The following ADAP1 variants were observed in gnomAD, a reference collection of about 807,000 sequenced individuals.
The protein encoded by ADAP1 is ArfGAP with dual PH domains 1.
Under a neutral mutation model 54.9 loss-of-function variants are expected in ADAP1, and 31 were observed. The observed-to-expected ratio is 0.56, with a 90% confidence interval of 0.42 to 0.76. The LOEUF (loss-of-function observed/expected upper bound fraction) is 0.76, where lower values mean the gene tolerates loss of function less well. ADAP1 is among the 30% of genes least tolerant of loss of function. The pLI, the probability that ADAP1 is intolerant of heterozygous loss-of-function variation, is 0.00. For missense variants in ADAP1, 535 were observed against 512.4 expected (o/e 1.04, Z -0.42); for synonymous variants, 313 against 202.6 (o/e 1.55, Z -4.63).
At chr7:951,412 C>T (rs1038493799) in intron 1 of ADAP1, among the ~76,000 whole-genome samples, 1 of 151,654 alleles carries the variant, frequency 6.6e-6, no homozygotes, top group Non-Finnish European at 1.5e-5. Context: ...GGGCCGCTGC[C>T]CTGGGGAGTG....
chr7:926,981 C>A lies in ADAP1; in HGVS notation c.214-337G>T. Reference sequence around the variant, plus strand: ...ACACCGGGTGTCCCGTGGGAGAGAGCTGGCTGCATCCTGTGACCCCCATCT... The same window carrying A: ...ACACCGGGTGTCCCGTGGGAGAGAGATGGCTGCATCCTGTGACCCCCATCT... On this transcript the variant is annotated intron_variant, in intron 2 of 10. Transcript: ENST00000265846. This position sits in a 1 kb window ranked among gnomAD's most constrained non-coding sequence, Gnocchi z 4.6. 1 of 1,263,252 alleles carries A rather than the reference C, an allele frequency of 7.9e-7. No individual in the cohort carries two copies. The highest frequency in any genetic ancestry group is 1.0e-6 in the Non-Finnish European group (1 of 979,060). The allele number at this position is 1,263,252 out of a possible 1,614,324, so 78.3% of individuals were successfully genotyped here. A position where few individuals can be genotyped will look rare whatever the true frequency, so the allele number is the denominator to read the frequency against.
chr7:922,539 T>C (rs992154112), intron 3 of ADAP1, among the ~76,000 whole-genome samples: 2 of 152,148 alleles, frequency 1.3e-5, no homozygotes, highest in African/African-American at 2.4e-5. Flanking sequence ...CAGTGGCCAC[T>C]GTGACCCCCA....
chr7:907,162 G>A (rs1291621050), intron 4 of ADAP1, among the ~76,000 whole-genome samples: 2 of 152,244 alleles, frequency 1.3e-5, no homozygotes, highest in East Asian at 3.9e-4. Flanking sequence ...CTCCGCCTGT[G>A]GCCTCACGCA....
rs953974546 is a variant in ADAP1, at chr7:920,596, C to T, written c.306-546G>A. Among the ~76,000 whole-genome samples, 1 of 152,112 alleles carries T rather than the reference C, an allele frequency of 6.6e-6. No individual in the cohort carries two copies. Among genetic ancestry groups the T allele is most frequent in the African/African-American group, 2.4e-5 (1 of 41,428 alleles). On this transcript the variant is annotated intron_variant, in intron 3 of 10. Transcript: ENST00000265846. This position sits in a 1 kb window ranked among gnomAD's most constrained non-coding sequence, Gnocchi z 4.5. ...AGGACGGAGCTATCAGGGCACCCGT[C>T]GAGGTCAGGAGGCGTCCGGGGCATC...
chr7:904,273 C>G lies in ADAP1; in HGVS notation c.502-1G>C. On this transcript the variant is annotated splice_acceptor_variant, in intron 5 of 10. Transcript: ENST00000265846. LOFTEE classifies it high-confidence loss of function. ...TCATCACGGCCTTGGGCTCCTTGGC[C>G]TGAGAAGGGGTGGGGTCTAAGCACC... The G allele has an allele frequency of 6.3e-7, 1 of 1,587,018 alleles. No individual in the cohort carries two copies. The highest frequency in any genetic ancestry group is 8.6e-7 in the Non-Finnish European group (1 of 1,165,644).
At chr7:948,971 A>G (rs1287156497) in intron 1 of ADAP1, among the ~76,000 whole-genome samples, 2 of 152,164 alleles carry the variant, frequency 1.3e-5, no homozygotes, top group Non-Finnish European at 2.9e-5. Flanking sequence ...CTGGGATTAC[A>G]GGCGTGAGCC....
chr7:930,956 G>A (rs1171752238), intron 2 of ADAP1, among the ~76,000 whole-genome samples: 1 of 150,116 alleles, frequency 6.7e-6, no homozygotes, highest in Non-Finnish European at 1.5e-5. Context: ...TTCCAGCCTG[G>A]GCGACAGAGT....
chr7:915,596 G>T (rs892269744), intron 4 of ADAP1, among the ~76,000 whole-genome samples: 1 of 152,178 alleles, frequency 6.6e-6, no homozygotes, highest in Admixed American at 6.5e-5. Flanking sequence ...ACCCCTGCCC[G>T]AGGGTCACAC....
chr7:920,788 G>A lies in ADAP1; in HGVS notation c.306-738C>T, dbSNP rs1478153871. ...TCCCCATCCACCGTGACTCACTCGA[G>A]TGAAGCCAATACCATTGCAGAAACC... On this transcript the variant is annotated intron_variant, in intron 3 of 10. Transcript: ENST00000265846. The surrounding 1 kb of genome is among the most constrained non-coding windows in gnomAD (Gnocchi z 4.5). 26 of 1,549,604 alleles carry A rather than the reference G, an allele frequency of 1.7e-5. 1 individual carries two copies. Among genetic ancestry groups the A allele is most frequent in the Non-Finnish European group, 2.3e-5 (26 of 1,146,668 alleles).
chr7:950,467 C>T (rs1847239357), intron 1 of ADAP1, among the ~76,000 whole-genome samples: 3 of 129,526 alleles, frequency 2.3e-5, no homozygotes. Flanking sequence ...GCCTGGGCGA[C>T]AGAATGAGAC....
intron 3 of ADAP1, among the ~76,000 whole-genome samples, chr7:923,640 T>G (rs1846266635): frequency 6.6e-6 from 1 of 152,050 alleles, no homozygotes; most frequent in South Asian, 2.1e-4. Context: ...CCTGGGCCTC[T>G]GCTTAGCTGG....
intron 3 of ADAP1, among the ~76,000 whole-genome samples, chr7:924,493 C>T (rs866530445): frequency 5.8e-5 from 5 of 86,564 alleles, no homozygotes; most frequent in Admixed American, 1.1e-4. Flanking sequence ...AGCAGGTCCA[C>T]GCTGCACCCC....
chr7:947,282 C>T, intron 1 of ADAP1, among the ~76,000 whole-genome samples: 1 of 148,640 alleles, frequency 6.7e-6, no homozygotes. Flanking sequence ...ACCTTGAACT[C>T]CTGGGCTCAA....
intron 4 of ADAP1, among the ~76,000 whole-genome samples, chr7:911,534 A>AGGGGGCGGGGGTCCC (rs1845722407): frequency 6.8e-6 from 1 of 146,714 alleles, no homozygotes; most frequent in African/African-American, 2.6e-5. Flanking sequence ...CATGCCAGGA[A>AGGGGGCGGGGGTCCC]AGGGGCGGGG....
chr7:905,027 C>A (rs1334329498), intron 5 of ADAP1, 33 bp downstream of exon 5: 4 of 1,590,914 alleles, frequency 2.5e-6, no homozygotes, highest in Non-Finnish European at 3.4e-6. Context: ...CGCCCTGGGA[C>A]AGGCCCCCAC....
chr7:901,308 C>G (rs984973741), intron 6 of ADAP1: 1 of 298,060 alleles, frequency 3.4e-6, no homozygotes, highest in Non-Finnish European at 6.6e-6. Context: ...CCCTTGGCCC[C>G]ATGACATTAT....
chr7:931,592 C>T (rs994513497), intron 2 of ADAP1, among the ~76,000 whole-genome samples: 3 of 152,064 alleles, frequency 2.0e-5, no homozygotes, highest in African/African-American at 7.2e-5. Flanking sequence ...CCAAAAGGCA[C>T]GGACTTCCTT....
chr7:898,887 G>A lies in ADAP1; in HGVS notation c.*34C>T. The A allele has an allele frequency of 6.3e-7, 1 of 1,580,042 alleles. No homozygotes were observed. Among genetic ancestry groups the A allele is most frequent in the Non-Finnish European group, 8.6e-7 (1 of 1,164,564 alleles). ...CGGGTCCCCTCCGTCCAGCCACAGT[G>A]AGTCCAATGTCCGTGGTCCTCCAGC... On this transcript the variant is annotated 3_prime_UTR_variant, in exon 11 of 11. Transcript: ENST00000265846.
Position 898,587 on chromosome 7 carries a change from G to T in ADAP1, c.*334C>A, listed in dbSNP as rs1359163260. ...CTGAGGCCTGGAAGTTCCCACAGCC[G>T]TGGTGGGCGGCTCCTGGGGGCTGTG... On this transcript the variant is annotated 3_prime_UTR_variant, in exon 11 of 11. Transcript: ENST00000265846. 4 of 422,740 alleles carry T rather than the reference G, an allele frequency of 9.5e-6. No homozygotes were observed. The highest frequency in any genetic ancestry group is 8.9e-6 in the Non-Finnish European group (2 of 224,762). The allele number at this position is 422,740 out of a possible 1,614,324, so 26.2% of individuals were successfully genotyped here. A position where few individuals can be genotyped will look rare whatever the true frequency, so the allele number is the denominator to read the frequency against.
Sources: gnomAD v4.1 joint callset for allele counts (sites outside exome capture counted in the v4.1 genomes callset) on GRCh38, gnomAD v4.1.1 for gene constraint, Gnocchi (gnomAD v3.1) non-coding constraint, MANE v1.5 for transcripts, NCBI Gene and HGNC (gene_info 2026-07-23, HGNC 2026-07-21) for gene names.